The following ATXN8OS variants were observed in gnomAD, a reference collection of about 807,000 sequenced individuals.
The protein encoded by ATXN8OS is ATXN8 opposite strand (non-protein coding).
chr13:70,112,018 G>A (rs887752999), intron 1 of ATXN8OS, among the ~76,000 whole-genome samples: 6 of 152,220 alleles, frequency 3.9e-5, no homozygotes, highest in African/African-American at 1.4e-4. Flanking sequence ...GTTCTGCAGA[G>A]TGTACAGCCT....
At chr13:70,123,157 TTAGATTTTGCCAGATACTA>T (rs1888385364) in intron 2 of ATXN8OS, among the ~76,000 whole-genome samples, 1 of 152,098 alleles carries the variant, frequency 6.6e-6, no homozygotes. Flanking sequence ...TGCAAAACTC[TTAGATTTTGCCAGATACTA>T]TAGATAGAAA....
chr13:70,162,449 T>G (rs1889020809), intron 4 of ATXN8OS, among the ~76,000 whole-genome samples: 3 of 152,056 alleles, frequency 2.0e-5, no homozygotes, highest in Admixed American at 2.0e-4. Flanking sequence ...CTTGCTCTTT[T>G]TCTTCAATAT....
At chr13:70,163,962 C>T (rs554701399) in intron 4 of ATXN8OS, among the ~76,000 whole-genome samples, 10 of 150,204 alleles carry the variant, frequency 6.7e-5, no homozygotes, top group Admixed American at 2.0e-4. Flanking sequence ...ATTTTACGTA[C>T]GTCACTAAAA....
rs559208169 is a variant in ATXN8OS, at chr13:70,110,448, T to G, written n.240+2429T>G. Among the ~76,000 whole-genome samples the G allele has an allele frequency of 6.6e-5, 10 of 152,066 alleles. 1 individual carries two copies. Among genetic ancestry groups the G allele is most frequent in the Middle Eastern group, 3.4e-3 (1 of 290 alleles). Reference sequence around the variant, plus strand: ...AAATGACTGACAAAGATGATTATATTATTTTCACTTGATTGTTACCATACT... The same window carrying G: ...AAATGACTGACAAAGATGATTATATGATTTTCACTTGATTGTTACCATACT... On this transcript the variant is annotated intron_variant and non_coding_transcript_variant, in intron 1 of 4. Transcript: ENST00000678624.
At chr13:70,144,513 TTCAA>T (rs781102894) in intron 3 of ATXN8OS, among the ~76,000 whole-genome samples, 91 of 152,306 alleles carry the variant, frequency 6.0e-4, no homozygotes, top group Middle Eastern at 3.4e-3. Context: ...TTCCACTGAA[TTCAA>T]TCAATGTTTT....
chr13:70,165,969 CT>C (rs1889071388), intron 4 of ATXN8OS, among the ~76,000 whole-genome samples: 1 of 151,996 alleles, frequency 6.6e-6, no homozygotes, highest in African/African-American at 2.4e-5. Context: ...AATTAGAATA[CT>C]TCCTTAACAC....
At chr13:70,138,529 G>A (rs1888651299) in intron 3 of ATXN8OS, among the ~76,000 whole-genome samples, 1 of 152,054 alleles carries the variant, frequency 6.6e-6, no homozygotes, top group Non-Finnish European at 1.5e-5. Context: ...TTTATTGAGT[G>A]TCTCAGTTCT....
At chr13:70,154,033 A>T (rs1888906925) in intron 4 of ATXN8OS, among the ~76,000 whole-genome samples, 1 of 152,026 alleles carries the variant, frequency 6.6e-6, no homozygotes, top group Admixed American at 6.6e-5. Context: ...CTTCAATTTC[A>T]TTCTCAAATG....
At chr13:70,156,818 T>G (rs1888943211) in intron 4 of ATXN8OS, among the ~76,000 whole-genome samples, 1 of 152,094 alleles carries the variant, frequency 6.6e-6, no homozygotes, top group Non-Finnish European at 1.5e-5. Flanking sequence ...TTAATTTGAT[T>G]TACCAATAAG....
chr13:70,166,992 C>T (rs1381610121), intron 4 of ATXN8OS, among the ~76,000 whole-genome samples: 4 of 151,626 alleles, frequency 2.6e-5, no homozygotes, highest in African/African-American at 7.3e-5. Context: ...GTTAGAATGG[C>T]AATCATTAAA....
chr13:70,163,094 C>T (rs1005272077), intron 4 of ATXN8OS, among the ~76,000 whole-genome samples: 50 of 152,050 alleles, frequency 3.3e-4, no homozygotes, highest in African/African-American at 1.1e-3. Context: ...ATTACTAGTG[C>T]TATCAATAAT....
At chr13:70,160,215 A>G (rs1469013309) in intron 4 of ATXN8OS, among the ~76,000 whole-genome samples, 1 of 152,070 alleles carries the variant, frequency 6.6e-6, no homozygotes, top group Non-Finnish European at 1.5e-5. Context: ...CATATATTGT[A>G]TTTGTATATT....
intron 4 of ATXN8OS, among the ~76,000 whole-genome samples, chr13:70,160,555 G>A (rs1310244513): frequency 2.0e-5 from 3 of 150,986 alleles, no homozygotes; most frequent in African/African-American, 4.9e-5. Flanking sequence ...TTAATAAATT[G>A]TCATATTTTC....
chr13:70,168,410 T>C (rs1593780734), intron 4 of ATXN8OS, among the ~76,000 whole-genome samples: 2 of 152,060 alleles, frequency 1.3e-5, no homozygotes, highest in African/African-American at 4.8e-5. Context: ...ATATACAATA[T>C]GTTGTTGCTG....
intron 4 of ATXN8OS, among the ~76,000 whole-genome samples, chr13:70,150,711 T>C (rs1888854625): frequency 6.6e-6 from 1 of 152,112 alleles, no homozygotes. Flanking sequence ...AGGAAGTATT[T>C]AGTGATTCCT....
intron 3 of ATXN8OS, chr13:70,139,257 C>G (rs141567755): frequency 6.6e-4 from 303 of 458,848 alleles, no homozygotes; most frequent in African/African-American, 5.6e-3. Context: ...TTTTCTGACT[C>G]CCAGCTTCCA....
Position 70,156,389 on chromosome 13 carries a change from A to G in ATXN8OS, n.573+8961A>G, listed in dbSNP as rs530632217. On this transcript the variant is annotated intron_variant and non_coding_transcript_variant, in intron 4 of 4. Coordinates refer to ENST00000678624, the Ensembl canonical transcript of ATXN8OS. ...AACTTTTCTGGAAATCTACCACTAA[A>G]ATGTTTCATACACTATAATCATTTT... Among the ~76,000 whole-genome samples the G allele has an allele frequency of 3.9e-5, 6 of 152,242 alleles. No individual in the cohort carries two copies. In the South Asian group the frequency reaches 8.3e-4, roughly 21 times the overall value.
At chr13:70,161,111 T>C (rs1889003810) in intron 4 of ATXN8OS, among the ~76,000 whole-genome samples, 2 of 151,682 alleles carry the variant, frequency 1.3e-5, no homozygotes, top group South Asian at 2.1e-4. Context: ...AGTAAGCCAG[T>C]AAACTAAATA....
At chr13:70,108,193 G>T (rs929622124) in intron 1 of ATXN8OS, 2 of 396,274 alleles carry the variant, frequency 5.0e-6, no homozygotes, top group East Asian at 3.6e-5. Flanking sequence ...TCTGGAGAGC[G>T]CAGAGAGAAA....
Sources: gnomAD v4.1 joint callset for allele counts (sites outside exome capture counted in the v4.1 genomes callset) on GRCh38, gnomAD v4.1.1 for gene constraint, MANE v1.5 for transcripts, NCBI Gene and HGNC (gene_info 2026-07-23, HGNC 2026-07-21) for gene names.